Variants in FAM163A observed in about 807,000 individuals in gnomAD.
FAM163A encodes the protein family with sequence similarity 163 member A, also known as protein FAM163A.
In FAM163A, 7 loss-of-function variants were observed where a neutral mutation model predicts 12.0. The ratio of observed to expected loss-of-function variants is 0.58; its 90% CI spans 0.33 to 1.10. The LOEUF (loss-of-function observed/expected upper bound fraction) is 1.10, where lower values mean the gene tolerates loss of function less well. Ranked by LOEUF, FAM163A falls within the 50% of genes least tolerant of loss-of-function variation. The pLI is 0.03. For missense variants in FAM163A, 202 were observed against 218.6 expected, an observed-to-expected ratio of 0.92 and a Z score of 0.48; for synonymous variants, 101 against 91.0, an observed-to-expected ratio of 1.11 and a Z score of -0.62.
At chr1:179,736,848 C>A in the FAM163A span, among the ~76,000 whole-genome samples, 13 of 151,996 alleles carry the variant, frequency 8.6e-5, no homozygotes, top group East Asian at 2.5e-3. Flanking sequence ...CAAAAGGTAA[C>A]AAGTATTGGC....
At chr1:179,779,862 A>C (rs1571441222) in intron 1 of FAM163A, among the ~76,000 whole-genome samples, 1 of 152,244 alleles carries the variant, frequency 6.6e-6, no homozygotes, top group Non-Finnish European at 1.5e-5. Context: ...TGGGCAAATC[A>C]CCTCAGTAAA....
At position 179,814,787 on chromosome 1, in the gene FAM163A, T is replaced by A. The variant is rs2236589; in HGVS notation, c.*598T>A. ...TGTCACTGTAGCTGCTCCCGTAGGG[T>A]CGTTGATTCCTGAACGTATCACATC... On this transcript the variant is annotated 3_prime_UTR_variant, in exon 5 of 5. Transcript: ENST00000341785. 0.52 allele frequency: 78,804 copies of A among 152,640 alleles called. 23,332 individuals carry two copies. Among genetic ancestry groups the A allele is most frequent in the African/African-American group, 0.82 (34,107 of 41,450 alleles). 9.5% of individuals were successfully genotyped at this position (152,640 alleles called of 1,614,324 possible).
chr1:179,735,802 C>T, the FAM163A span, among the ~76,000 whole-genome samples: 5 of 151,996 alleles, frequency 3.3e-5, no homozygotes, highest in Non-Finnish European at 7.4e-5. Flanking sequence ...CGCCCCCAGC[C>T]GAAAGAGCTA....
chr1:179,799,181 C>T (rs190391656), intron 1 of FAM163A, among the ~76,000 whole-genome samples: 1 of 151,670 alleles, frequency 6.6e-6, no homozygotes, highest in African/African-American at 2.4e-5. Context: ...TCTGCCTTTC[C>T]TAGCAAGTCT....
chr1:179,777,827 C>A (rs1689184688), intron 1 of FAM163A, among the ~76,000 whole-genome samples: 1 of 152,190 alleles, frequency 6.6e-6, no homozygotes, highest in Non-Finnish European at 1.5e-5. Flanking sequence ...GTTTAACTGA[C>A]TGTATTTCTC....
chr1:179,798,944 T>A (rs992366708), intron 1 of FAM163A, among the ~76,000 whole-genome samples: 4 of 152,166 alleles, frequency 2.6e-5, no homozygotes, highest in Non-Finnish European at 5.9e-5. Flanking sequence ...ACCCTGAGTG[T>A]GAGGACTCTG....
At position 179,761,672 on chromosome 1, in the gene FAM163A, C is replaced by T. The variant is rs74424529; in HGVS notation, c.-136+18249C>T. ...CAGAATAAAGACAGGGCCGGCTCAA[C>T]GAAGGATTGAAACTCCAAGAACACT... On this transcript the variant is annotated intron_variant, in intron 1 of 4. Coordinates refer to ENST00000341785, the MANE Select transcript of FAM163A (RefSeq NM_173509.3). 4.1e-3 allele frequency among the ~76,000 whole-genome samples: 630 copies of T among 152,248 alleles called. 4 individuals carry two copies. Among genetic ancestry groups the T allele is most frequent in the African/African-American group, 0.014 (594 of 41,540 alleles).
At chr1:179,740,020 G>C (rs1373947217), upstream of FAM163A, among the ~76,000 whole-genome samples, 1 of 152,150 alleles carries the variant, frequency 6.6e-6, no homozygotes, top group African/African-American at 2.4e-5. Flanking sequence ...TAACAACTAA[G>C]CATGTGACTA....
upstream of FAM163A, chr1:179,743,088 A>C (rs2245610): frequency 0.27 from 40,907 of 152,372 alleles, 5,783 homozygotes; most frequent in South Asian, 0.42. Context: ...TTCTTAGGCA[A>C]AAAGGCAGCG....
At chr1:179,794,911 T>C (rs1319028243) in intron 1 of FAM163A, among the ~76,000 whole-genome samples, 12 of 152,098 alleles carry the variant, frequency 7.9e-5, no homozygotes. Context: ...GAGTGACTTA[T>C]CCAAAGTCCC....
the FAM163A span, among the ~76,000 whole-genome samples, chr1:179,736,188 AT>A: frequency 6.6e-6 from 1 of 152,362 alleles, no homozygotes; most frequent in Non-Finnish European, 1.5e-5. Flanking sequence ...GTAGGACTAC[AT>A]TAAACGAAAA....
chr1:179,779,307 G>C (rs1347180722), intron 1 of FAM163A, among the ~76,000 whole-genome samples: 2 of 152,194 alleles, frequency 1.3e-5, no homozygotes, highest in African/African-American at 4.8e-5. Context: ...TTTGAAGAGG[G>C]AGTTGGCTTA....
chr1:179,733,292 A>C, the FAM163A span, among the ~76,000 whole-genome samples: 1 of 152,174 alleles, frequency 6.6e-6, no homozygotes, highest in African/African-American at 2.4e-5. Context: ...ATAAGGTTCA[A>C]GCTGTTAATC....
At chr1:179,750,739 A>G (rs1490683109) in intron 1 of FAM163A, among the ~76,000 whole-genome samples, 3 of 152,220 alleles carry the variant, frequency 2.0e-5, no homozygotes, top group African/African-American at 7.2e-5. Flanking sequence ...CTATTTCAAA[A>G]AGGTCACTTT....
upstream of FAM163A, among the ~76,000 whole-genome samples, chr1:179,738,982 T>C (rs1683318692): frequency 6.6e-6 from 1 of 152,104 alleles, no homozygotes; most frequent in African/African-American, 2.4e-5. Flanking sequence ...CATAGATCAA[T>C]GGAATGGAAT....
chr1:179,735,901 G>A, the FAM163A span, among the ~76,000 whole-genome samples: 3 of 152,286 alleles, frequency 2.0e-5, no homozygotes, highest in East Asian at 5.8e-4. Context: ...GATCTTTAGC[G>A]AAAGTACCAA....
chr1:179,744,610 G>A (rs1684183748), intron 1 of FAM163A, among the ~76,000 whole-genome samples: 1 of 152,200 alleles, frequency 6.6e-6, no homozygotes, highest in South Asian at 2.1e-4. Context: ...CCTCTGAGTG[G>A]AACTGTGGGG....
chr1:179,782,153 G>A (rs1689861042), intron 1 of FAM163A, among the ~76,000 whole-genome samples: 1 of 152,096 alleles, frequency 6.6e-6, no homozygotes, highest in South Asian at 2.1e-4. Flanking sequence ...CGGGTGGAGT[G>A]AGCATGCCGG....
Position 179,813,082 on chromosome 1 carries a change from A to C in FAM163A, c.-16A>C. 6.4e-7 allele frequency: 1 copy of C among 1,551,412 alleles called. No homozygotes were observed. Among genetic ancestry groups the C allele is most frequent in the Non-Finnish European group, 8.7e-7 (1 of 1,146,860 alleles). ...CCTCCGCACATCTTTGCAGAGTTTG[A>C]TGGGGCGCCGGGCGGATGACAGCGG... is the stretch of plus-strand genomic sequence containing the variant. On this transcript the variant is annotated 5_prime_UTR_variant, in exon 4 of 5. The change abolishes an upstream ATG in the 5' untranslated region. Coordinates refer to ENST00000341785, the MANE Select transcript of FAM163A (RefSeq NM_173509.3).
Sources: gnomAD v4.1 joint callset for allele counts (sites outside exome capture counted in the v4.1 genomes callset) on GRCh38, gnomAD v4.1.1 for gene constraint, MANE v1.5 for transcripts, NCBI Gene and HGNC (gene_info 2026-07-23, HGNC 2026-07-21) for gene names.